DCLK1: variants seen among roughly 807,000 people sequenced by gnomAD.
DCLK1 encodes serine/threonine-protein kinase DCLK1.
DCLK1 carries 16 observed loss-of-function variants against 86.2 expected under a neutral mutation model. The ratio of observed to expected loss-of-function variants is 0.19; its 90% CI spans 0.13 to 0.28. DCLK1 has a LOEUF of 0.28. DCLK1 is among the 10% of genes least tolerant of loss of function. The pLI, the probability that DCLK1 is intolerant of heterozygous loss-of-function variation, is 1.00. For synonymous variants in DCLK1, 369 were observed against 370.5 expected, an observed-to-expected ratio of 1.00 and a Z score of 0.05; for missense variants, 590 against 940.2, an observed-to-expected ratio of 0.63 and a Z score of 4.87.
At chr13:35,949,115 C>T (rs955254571) in intron 3 of DCLK1, among the ~76,000 whole-genome samples, 3 of 152,202 alleles carry the variant, frequency 2.0e-5, no homozygotes, top group Non-Finnish European at 4.4e-5. Context: ...ATGATCTCCA[C>T]CCAAATGTGA....
chr13:35,943,772 C>T (rs961557338), intron 4 of DCLK1, among the ~76,000 whole-genome samples: 2 of 152,186 alleles, frequency 1.3e-5, no homozygotes, highest in African/African-American at 4.8e-5. Context: ...CTCAACAAAA[C>T]CCTATCACTT....
intron 3 of DCLK1, among the ~76,000 whole-genome samples, chr13:36,101,739 TAA>T (rs1566012414): frequency 6.6e-6 from 1 of 151,418 alleles, no homozygotes; most frequent in African/African-American, 2.5e-5. Flanking sequence ...TTTATTTATT[TAA>T]TTTTTTTTTT....
At chr13:35,977,325 G>A (rs192836982) in intron 3 of DCLK1, among the ~76,000 whole-genome samples, 67 of 152,162 alleles carry the variant, frequency 4.4e-4, no homozygotes, top group African/African-American at 1.5e-3. Context: ...GCATTTCTGC[G>A]CTCCTTCCTT....
Position 35,902,351 on chromosome 13 carries a change from G to A in DCLK1, c.824-31011C>T, listed in dbSNP as rs369566478. On this transcript the variant is annotated intron_variant, in intron 4 of 16. Coordinates refer to ENST00000360631, the MANE Select transcript of DCLK1 (RefSeq NM_001330071.2). ...TTTGCCACCACAGACATTGCTAATC[G>A]ATTTCCTACGCAAGCTTGGATATGG... Among the ~76,000 whole-genome samples, 101 of 152,262 alleles carry A rather than the reference G, an allele frequency of 6.6e-4. 1 individual carries two copies. The South Asian group carries it at 0.02, about 29-fold the overall frequency.
chr13:35,981,008 A>G (rs926492469), intron 3 of DCLK1, among the ~76,000 whole-genome samples: 1 of 152,020 alleles, frequency 6.6e-6, no homozygotes. Flanking sequence ...TGGATGGGGG[A>G]AAAAAATCCC....
At chr13:35,793,869 A>G (rs1288796686) in intron 15 of DCLK1, among the ~76,000 whole-genome samples, 1 of 152,100 alleles carries the variant, frequency 6.6e-6, no homozygotes, top group East Asian at 1.9e-4. Context: ...TTTCCTCTTA[A>G]CCCATCATTT....
chr13:35,842,252 AAAAG>A, intron 6 of DCLK1, among the ~76,000 whole-genome samples: 1 of 151,154 alleles, frequency 6.6e-6, no homozygotes, highest in African/African-American at 2.4e-5. Flanking sequence ...AAAAAAAAAA[AAAAG>A]AAGTTCTTCT....
intron 4 of DCLK1, among the ~76,000 whole-genome samples, chr13:35,941,926 T>C (rs9574961): frequency 0.024 from 3,645 of 152,228 alleles, 185 homozygotes; most frequent in East Asian, 0.21. Context: ...AAAAGTAAAT[T>C]TCACACGTGC....
At chr13:36,009,766 T>C (rs1430003200) in intron 3 of DCLK1, among the ~76,000 whole-genome samples, 2 of 121,018 alleles carry the variant, frequency 1.7e-5, no homozygotes, top group East Asian at 2.3e-4. Context: ...GTGAGGAAAG[T>C]CATTGGTAGC....
chr13:35,986,743 G>A (rs1282266106), intron 3 of DCLK1, among the ~76,000 whole-genome samples: 1 of 152,154 alleles, frequency 6.6e-6, no homozygotes, highest in East Asian at 1.9e-4. Flanking sequence ...AAACTGATGG[G>A]ACCCTCATGG....
At chr13:35,888,829 C>T (rs564871359) in intron 4 of DCLK1, among the ~76,000 whole-genome samples, 1 of 152,298 alleles carries the variant, frequency 6.6e-6, no homozygotes, top group East Asian at 1.9e-4. Context: ...CTGTTGGTGG[C>T]TAGACTTATC....
At chr13:35,876,208 A>G (rs1872582688) in intron 4 of DCLK1, among the ~76,000 whole-genome samples, 1 of 152,222 alleles carries the variant, frequency 6.6e-6, no homozygotes, top group African/African-American at 2.4e-5. Flanking sequence ...TAATGAAGTA[A>G]TAGCTTGGAG....
rs1277837131 is a variant in DCLK1, at chr13:35,827,572, C to T, written c.1407+63G>A. 3.1e-6 allele frequency: 5 copies of T among 1,588,844 alleles called. No individual in the cohort carries two copies. In the African/African-American group the frequency reaches 5.4e-5, roughly 17 times the overall value. ...TGATGGGAGAAAATAAGGGAAAGAG[C>T]TCTAGAATATAGGCAAGTGCGGTGC... On this transcript the variant is annotated intron_variant, in intron 10 of 16. Transcript: ENST00000360631.
Position 35,943,709 on chromosome 13 carries a change from C to G in DCLK1, c.823+3649G>C, listed in dbSNP as rs148429592. 4.5e-4 allele frequency among the ~76,000 whole-genome samples: 68 copies of G among 152,270 alleles called. 1 individual carries two copies. The highest frequency in any genetic ancestry group is 3.4e-3 in the Middle Eastern group (1 of 294). On this transcript the variant is annotated intron_variant, in intron 4 of 16. Transcript: ENST00000360631. The stretch of plus-strand genomic sequence containing the variant: ...TTGGACAAGAATTGATATCCAGCAT[C>G]AGGCTCATCCCCAAGGAGTTCACTG...
intron 3 of DCLK1, among the ~76,000 whole-genome samples, chr13:35,978,203 C>CTTTTTTTTTTTTTTTTTTTT (rs11311688): frequency 2.4e-5 from 2 of 82,758 alleles, no homozygotes; most frequent in Non-Finnish European, 4.6e-5. Context: ...CTTTTCTTTT[C>CTTTTTTTTTTTTTTTTTTTT]TTTTTTTTTT....
chr13:35,827,118 A>C (rs1868537969), intron 10 of DCLK1, among the ~76,000 whole-genome samples: 1 of 152,230 alleles, frequency 6.6e-6, no homozygotes, highest in Admixed American at 6.5e-5. Context: ...ATATTATGTG[A>C]CAGGATGAGA....
chr13:35,796,917 G>A lies in DCLK1; in HGVS notation c.1945-3438C>T, dbSNP rs947866340. ...AGAGAATATTTGGACACGACTTAAT[G>A]GAGCCTGGGAATCATCTGGTGGTCA... On this transcript the variant is annotated intron_variant, in intron 15 of 16. Coordinates refer to ENST00000360631, the MANE Select transcript of DCLK1 (RefSeq NM_001330071.2). Among the ~76,000 whole-genome samples the A allele has an allele frequency of 2.6e-5, 4 of 152,218 alleles. No homozygotes were observed. In the South Asian group the frequency reaches 6.2e-4, roughly 24 times the overall value.
At chr13:36,128,002 G>A (rs780549167) in intron 1 of DCLK1, among the ~76,000 whole-genome samples, 2 of 152,160 alleles carry the variant, frequency 1.3e-5, no homozygotes, top group Admixed American at 1.3e-4. Context: ...CACTCCCCAA[G>A]TCCCACCATA....
chr13:35,813,248 G>T (rs557730681), intron 11 of DCLK1, among the ~76,000 whole-genome samples: 1 of 152,268 alleles, frequency 6.6e-6, no homozygotes, highest in South Asian at 2.1e-4. Flanking sequence ...TGTGTGCTTT[G>T]TGAGGTGATG....
Sources: allele counts gnomAD v4.1 joint callset (sites outside exome capture counted in the v4.1 genomes callset), GRCh38; gene constraint gnomAD v4.1.1; transcripts MANE v1.5; gene names NCBI Gene and HGNC (gene_info 2026-07-23, HGNC 2026-07-21).